The following POT1 variants were observed in gnomAD, a reference collection of about 807,000 sequenced individuals.
The protein encoded by POT1 is protection of telomeres 1.
A neutral mutation model predicts 78.5 loss-of-function variants in POT1; 47 were observed. That is an observed-to-expected ratio of 0.60 (90% confidence interval 0.47 to 0.76). The LOEUF is 0.76. Ranked by LOEUF, POT1 falls within the 30% of genes least tolerant of loss-of-function variation. The pLI is 0.00. For missense variants in POT1, 646 were observed against 749.9 expected (o/e 0.86, Z 1.62); for synonymous variants, 259 against 260.7 (o/e 0.99, Z 0.06).
intron 6 of POT1, among the ~76,000 whole-genome samples, chr7:124,882,828 C>T (rs759682252): frequency 2.0e-5 from 3 of 151,854 alleles, no homozygotes; most frequent in East Asian, 3.9e-4. Flanking sequence ...AGCTAGTGCT[C>T]GTCTCATAGA....
At chr7:124,899,750 A>C (rs1193239685) in intron 3 of POT1, among the ~76,000 whole-genome samples, 1 of 149,922 alleles carries the variant, frequency 6.7e-6, no homozygotes, top group Non-Finnish European at 1.5e-5. Flanking sequence ...AGAAAAAAAA[A>C]CCTACCTCTT....
At chr7:124,917,706 T>C (rs1797051348) in intron 2 of POT1, among the ~76,000 whole-genome samples, 1 of 152,212 alleles carries the variant, frequency 6.6e-6, no homozygotes, top group African/African-American at 2.4e-5. Flanking sequence ...TTCACTTGTA[T>C]GTGATCCAAC....
At chr7:124,863,972 G>A (rs1795661456) in intron 7 of POT1, among the ~76,000 whole-genome samples, 3 of 151,796 alleles carry the variant, frequency 2.0e-5, no homozygotes, top group Non-Finnish European at 4.4e-5. Flanking sequence ...TTTATACAAG[G>A]AAAAAGGACC....
chr7:124,847,150 A>G, intron 11 of POT1, 152 bp from the exon 12 acceptor site: 1 of 596,504 alleles, frequency 1.7e-6, no homozygotes, highest in Non-Finnish European at 3.0e-6. Context: ...TATTGTTAAG[A>G]TATCAATTCT....
chr7:124,839,862 T>C (rs1210899634), intron 14 of POT1, among the ~76,000 whole-genome samples: 1 of 152,042 alleles, frequency 6.6e-6, no homozygotes, highest in Non-Finnish European at 1.5e-5. Flanking sequence ...AAGTCCACAG[T>C]TTACATTAGT....
intron 9 of POT1, among the ~76,000 whole-genome samples, chr7:124,855,245 C>G (rs949436520): frequency 3.9e-5 from 4 of 102,896 alleles, no homozygotes; most frequent in African/African-American, 1.6e-4. Flanking sequence ...AAAAAAAAAC[C>G]AGAGCAGGCA....
At chr7:124,911,641 C>T (rs547378161) in intron 3 of POT1, among the ~76,000 whole-genome samples, 8 of 152,044 alleles carry the variant, frequency 5.3e-5, no homozygotes, top group Non-Finnish European at 7.4e-5. Context: ...AAAACTAACA[C>T]GACACTGATT....
At chr7:124,905,243 A>G (rs992430818) in intron 3 of POT1, among the ~76,000 whole-genome samples, 1 of 152,226 alleles carries the variant, frequency 6.6e-6, no homozygotes, top group Non-Finnish European at 1.5e-5. Context: ...CTACAGGGCT[A>G]CAGTAACCAA....
intron 7 of POT1, among the ~76,000 whole-genome samples, chr7:124,865,117 T>C (rs1795689374): frequency 6.6e-6 from 1 of 152,192 alleles, no homozygotes. Context: ...TCTATCACCA[T>C]ATAAAACTTA....
chr7:124,893,791 T>C (rs1029652601), intron 5 of POT1, among the ~76,000 whole-genome samples: 2 of 151,530 alleles, frequency 1.3e-5, no homozygotes, highest in Non-Finnish European at 3.0e-5. Context: ...CAGTATCTAC[T>C]CTTTAAAACT....
intron 2 of POT1, among the ~76,000 whole-genome samples, chr7:124,920,991 G>GGAGGCT (rs1797135786): frequency 6.6e-6 from 1 of 152,008 alleles, no homozygotes; most frequent in Non-Finnish European, 1.5e-5. Context: ...CAGCTACTTG[G>GGAGGCT]GAGGCTGAGG....
At chr7:124,913,610 T>C (rs940737742) in intron 3 of POT1, among the ~76,000 whole-genome samples, 3 of 152,204 alleles carry the variant, frequency 2.0e-5, no homozygotes, top group African/African-American at 7.2e-5. Flanking sequence ...ATTTAGCTCT[T>C]ATATATAGAT....
chr7:124,877,559 G>A (rs770960008), intron 6 of POT1, among the ~76,000 whole-genome samples: 13 of 151,880 alleles, frequency 8.6e-5, no homozygotes, highest in Admixed American at 2.6e-4. Context: ...GTAATCAACC[G>A]GTCGTGGGGG....
At chr7:124,874,209 A>T (rs564400525) in intron 6 of POT1, among the ~76,000 whole-genome samples, 7 of 152,194 alleles carry the variant, frequency 4.6e-5, no homozygotes, top group Admixed American at 6.5e-5. Context: ...TTTCCTCCTC[A>T]CCATCACATT....
chr7:124,891,006 A>T (rs1451377817), intron 6 of POT1, among the ~76,000 whole-genome samples: 2 of 151,768 alleles, frequency 1.3e-5, no homozygotes, highest in African/African-American at 2.4e-5. Context: ...AATATTCTGC[A>T]TATGTCTGAT....
chr7:124,841,896 A>G (rs1029765459), intron 13 of POT1, among the ~76,000 whole-genome samples: 1 of 152,036 alleles, frequency 6.6e-6, no homozygotes, highest in African/African-American at 2.4e-5. Flanking sequence ...TTATATATAC[A>G]TTTTAATCCC....
At chr7:124,928,583 T>G (rs1460566320) in intron 2 of POT1, among the ~76,000 whole-genome samples, 1 of 152,238 alleles carries the variant, frequency 6.6e-6, no homozygotes, top group Non-Finnish European at 1.5e-5. Flanking sequence ...GTTCCGGGAC[T>G]ATATTTATTC....
At chr7:124,851,253 T>C (rs68007199) in intron 11 of POT1, among the ~76,000 whole-genome samples, 30,616 of 152,084 alleles carry the variant, frequency 0.2, 3,828 homozygotes, top group East Asian at 0.3. Flanking sequence ...CAGTGAGCTA[T>C]GGTCCTATCA....
chr7:124,897,553 T>A (rs1487747915), intron 4 of POT1, among the ~76,000 whole-genome samples: 1 of 151,906 alleles, frequency 6.6e-6, no homozygotes, highest in East Asian at 1.9e-4. Context: ...CCAATAGAAG[T>A]GGAAAATCAG....
Sources: allele counts gnomAD v4.1 joint callset (sites outside exome capture counted in the v4.1 genomes callset), GRCh38; gene constraint gnomAD v4.1.1; transcripts MANE v1.5; gene names NCBI Gene and HGNC (gene_info 2026-07-23, HGNC 2026-07-21).